ENPP7: variants seen among roughly 807,000 people sequenced by gnomAD.
ENPP7 encodes the protein ectonucleotide pyrophosphatase/phosphodiesterase 7.
ENPP7 carries 39 observed loss-of-function variants against 33.6 expected under a neutral mutation model. That is an observed-to-expected ratio of 1.16 (90% CI 0.90 to 1.52). The LOEUF (loss-of-function observed/expected upper bound fraction) is 1.52. Among genes scored for constraint, ENPP7 ranks in the 40% most tolerant of loss-of-function variants. The pLI is 0.00. For missense variants in ENPP7, 594 were observed against 641.0 expected, an observed-to-expected ratio of 0.93 and a Z score of 0.79; for synonymous variants, 244 against 274.3, an observed-to-expected ratio of 0.89 and a Z score of 1.09.
chr17:79,732,155 C>CATAT (rs1234522983), intron 1 of ENPP7, among the ~76,000 whole-genome samples: 39 of 56,530 alleles, frequency 6.9e-4, no homozygotes, highest in African/African-American at 1.9e-3. Flanking sequence ...TATATACACA[C>CATAT]ACATATATAT....
Position 79,738,190 on chromosome 17 carries a change from A to G in ENPP7, c.*16+128A>G, listed in dbSNP as rs2094299506. ...AGGCCCCGCCAAGCAGGTGACTCCC[A>G]CTGACCTGGCTGCCCCAGAGAGGCC... On this transcript the variant is annotated intron_variant, in intron 5 of 5. Coordinates refer to ENST00000328313, the MANE Select transcript of ENPP7 (RefSeq NM_178543.5). This position sits in a 1 kb window ranked among gnomAD's most constrained non-coding sequence, Gnocchi z 6.2. The G allele has an allele frequency of 4.3e-6, 4 of 934,768 alleles. No individual in the cohort carries two copies. Among genetic ancestry groups the G allele is most frequent in the Non-Finnish European group, 6.4e-6 (4 of 621,784 alleles). 57.9% of individuals were successfully genotyped at this position (934,768 alleles called of 1,614,324 possible). A position where few individuals can be genotyped will look rare whatever the true frequency, so the allele number is the denominator to read the frequency against.
rs782390710 is a variant in ENPP7 at position 79,737,201 on chromosome 17, G to A, written c.1187G>A (p.Gly396Asp). The change falls in exon 4 of 6, where the codon GGC becomes GAC. Residue 396 changes from glycine to aspartate, a missense_variant. Around this residue, in one of 3 missense-constraint regions of ENPP7, gnomAD observed 504 missense variants for 512.8 expected, o/e 0.98. Transcript: ENST00000328313. This position sits in a 1 kb window ranked among gnomAD's most constrained non-coding sequence, Gnocchi z 5.5. ...HVYELMCRLLGIVPEANDGHL... is the reference protein window; with the variant it reads ...HVYELMCRLLDIVPEANDGHL... ...TACGAGCTCATGTGCCGGCTGCTGG[G>A]CATCGTGCCCGAGGCCAACGATGGG... 91 of 1,612,706 alleles carry A rather than the reference G, an allele frequency of 5.6e-5. No homozygotes were observed. The highest frequency in any genetic ancestry group is 7.2e-5 in the Non-Finnish European group (85 of 1,180,016).
At chr17:79,734,043 C>A (rs1449872767) in intron 2 of ENPP7, among the ~76,000 whole-genome samples, 1 of 152,164 alleles carries the variant, frequency 6.6e-6, no homozygotes, top group South Asian at 2.1e-4. Context: ...AACAATTAGA[C>A]GACTTTCTCC....
At position 79,730,990 on chromosome 17, in the gene ENPP7, C is replaced by T. The variant is rs1598196184; in HGVS notation, c.-150C>T. Reference sequence around the variant, plus strand: ...GGGTGGCACTGACACGGCTGGGGAGCCCACTCCCGAGGTTCGACCCGGGGA... The same window carrying T: ...GGGTGGCACTGACACGGCTGGGGAGTCCACTCCCGAGGTTCGACCCGGGGA... On this transcript the variant is annotated 5_prime_UTR_variant, in exon 1 of 6. Coordinates refer to ENST00000328313, the MANE Select transcript of ENPP7 (RefSeq NM_178543.5). The T allele has an allele frequency of 5.0e-6, 4 of 796,370 alleles. No individual in the cohort carries two copies. Among genetic ancestry groups the T allele is most frequent in the Non-Finnish European group, 7.7e-6 (4 of 518,014 alleles). The allele number at this position is 796,370 out of a possible 1,614,324, so 49.3% of individuals were successfully genotyped here.
Position 79,737,299 on chromosome 17 carries a change from G to T in ENPP7, c.1246+39G>T. The T allele has an allele frequency of 6.6e-7, 1 of 1,507,622 alleles. No individual in the cohort carries two copies. Among genetic ancestry groups the T allele is most frequent in the Non-Finnish European group, 9.0e-7 (1 of 1,116,138 alleles). The allele number at this position is 1,507,622 out of a possible 1,614,324, so 93.4% of individuals were successfully genotyped here. A position where few individuals can be genotyped will look rare whatever the true frequency, so the allele number is the denominator to read the frequency against. ...GCCCCAAATCCCCGCCTGCTCTGGT[G>T]TGTACACGTGTGCACACGAGGGTGC... On this transcript the variant is annotated intron_variant, in intron 4 of 5. Transcript: ENST00000328313. The surrounding 1 kb of genome is among the most constrained non-coding windows in gnomAD (Gnocchi z 5.5).
In ENPP7 at chr17:79,735,141, C is replaced by T. The variant is rs2094292833; in HGVS notation, c.498C>T (p.Tyr166=). 2 of 1,613,206 alleles carry T rather than the reference C, an allele frequency of 1.2e-6. No individual in the cohort carries two copies. Among genetic ancestry groups the T allele is most frequent in the East Asian group, 2.2e-5 (1 of 44,880 alleles). ...GGAAAGAAGGCATCGCACACAACTA[C>T]AAAAATGAGACGGAGTGGAGAGCGA... ...RSRKEGIAHN[Y]KNETEWRANI... Residue 166 remains tyrosine, a synonymous_variant, in exon 3 of 6, where the codon TAC becomes TAT. Coordinates refer to ENST00000328313, the MANE Select transcript of ENPP7 (RefSeq NM_178543.5). The surrounding 1 kb of genome is among the most constrained non-coding windows in gnomAD (Gnocchi z 5.5).
chr17:79,732,119 T>TACATATATATATATATACATATATACAC (rs1555822638), intron 1 of ENPP7, among the ~76,000 whole-genome samples: 5 of 49,780 alleles, frequency 1.0e-4, no homozygotes, highest in African/African-American at 2.7e-4. Flanking sequence ...CATATATATA[T>TACATATATATATATATACATATATACAC]ACATATATAT....
chr17:79,732,155 C>CAT lies in ENPP7; in HGVS notation c.253+764_253+765insTA, dbSNP rs1234522983. ...ATGTATATATATATATATATACACA[C>CAT]ACATATATATATATATGAGGCCAAG... is the stretch of plus-strand genomic sequence containing the variant. On this transcript the variant is annotated intron_variant, in intron 1 of 5. Coordinates refer to ENST00000328313, the MANE Select transcript of ENPP7 (RefSeq NM_178543.5). Among the ~76,000 whole-genome samples, 271 of 56,438 alleles carry CAT rather than the reference C, an allele frequency of 4.8e-3. 2 individuals are homozygous for CAT. The highest frequency in any genetic ancestry group is 0.013 in the Middle Eastern group (1 of 76). The allele number at this position is 56,438 out of a possible 152,430, so 37.0% of individuals were successfully genotyped here.
At chr17:79,734,106 A>C (rs1555823031) in intron 2 of ENPP7, among the ~76,000 whole-genome samples, 1 of 152,192 alleles carries the variant, frequency 6.6e-6, no homozygotes. Context: ...GGCCAAAGAC[A>C]AAATGAGAGG....
chr17:79,733,854 G>T (rs1300168088), intron 2 of ENPP7, among the ~76,000 whole-genome samples: 1 of 152,178 alleles, frequency 6.6e-6, no homozygotes, highest in Non-Finnish European at 1.5e-5. Flanking sequence ...ACTAACCAGT[G>T]AGCTACGTCC....
intron 3 of ENPP7, among the ~76,000 whole-genome samples, chr17:79,736,182 G>A (rs1195490763): frequency 6.6e-6 from 1 of 152,192 alleles, no homozygotes; most frequent in Admixed American, 6.5e-5. Flanking sequence ...TGGGATTCAG[G>A]TGTGAGCCAC....
rs142800715 is a variant in ENPP7, at chr17:79,737,185, A to G, written c.1171A>G (p.Met391Val). The change falls in exon 4 of 6, where the codon ATG becomes GTG. Residue 391 changes from methionine (M) to valine (V), a missense_variant. Met to Val is a conservative substitution (Grantham distance 21). Transcript: ENST00000328313. This position sits in a 1 kb window ranked among gnomAD's most constrained non-coding sequence, Gnocchi z 5.5. ...PFESVHVYEL[M>V]CRLLGIVPEA... Reference sequence around the variant, plus strand: ...TGAGAGCGTCCACGTGTACGAGCTCATGTGCCGGCTGCTGGGCATCGTGCC... The same window carrying G: ...TGAGAGCGTCCACGTGTACGAGCTCGTGTGCCGGCTGCTGGGCATCGTGCC... The G allele has an allele frequency of 1.2e-6, 2 of 1,613,466 alleles. No homozygotes were observed. Among genetic ancestry groups the G allele is most frequent in the East Asian group, 2.2e-5 (1 of 44,854 alleles).
chr17:79,734,947 G>A, intron 2 of ENPP7, 96 bp from the exon 3 acceptor site: 1 of 1,337,112 alleles, frequency 7.5e-7, no homozygotes, highest in Non-Finnish European at 1.0e-6. Context: ...GGGTGGAACA[G>A]AGAAGTAGGC....
intron 2 of ENPP7, 127 bp downstream of exon 2, chr17:79,733,780 T>C: frequency 9.8e-7 from 1 of 1,021,378 alleles, no homozygotes; most frequent in Non-Finnish European, 1.4e-6. Flanking sequence ...GCTCCTGGCC[T>C]ACCCTGGCAC....
At position 79,733,660 on chromosome 17, in the gene ENPP7, T is replaced by C. The variant is rs782120928; in HGVS notation, c.399+7T>C. On this transcript the variant is annotated splice_region_variant and intron_variant, in intron 2 of 5. Coordinates refer to ENST00000328313, the MANE Select transcript of ENPP7 (RefSeq NM_178543.5). Reference sequence around the variant, plus strand: ...GATCACAGCCCAGAGGCAGGTAATGTCACCCCCGCCCATACTGACATCGCA... The same window carrying C: ...GATCACAGCCCAGAGGCAGGTAATGCCACCCCCGCCCATACTGACATCGCA... 5 of 1,606,374 alleles carry C rather than the reference T, an allele frequency of 3.1e-6. No individual in the cohort carries two copies. The highest frequency in any genetic ancestry group is 2.5e-6 in the Non-Finnish European group (3 of 1,177,494).
intron 5 of ENPP7, among the ~76,000 whole-genome samples, chr17:79,740,715 C>T (rs782244219): frequency 6.6e-6 from 1 of 152,232 alleles, no homozygotes; most frequent in Non-Finnish European, 1.5e-5. Flanking sequence ...GGCGTCCCAG[C>T]AAACCTGCTC....
In ENPP7 at chr17:79,742,016, C is replaced by CCCTGCCCCTGCT; in HGVS notation, c.*245_*256dup. The CCCTGCCCCTGCT allele has an allele frequency of 3.6e-6, 3 of 844,642 alleles. No homozygotes were observed. Among genetic ancestry groups the CCCTGCCCCTGCT allele is most frequent in the Non-Finnish European group, 4.3e-6 (3 of 699,722 alleles). 52.3% of individuals were successfully genotyped at this position (844,642 alleles called of 1,614,324 possible). The stretch of plus-strand genomic sequence containing the variant: ...GCCGGTCCCATAACCGGCCCCCTGC[C>CCCTGCCCCTGCT]CCTGCCCCTGCTCCTGCTCCTCCCC... On this transcript the variant is annotated 3_prime_UTR_variant, in exon 6 of 6. Coordinates refer to ENST00000328313, the MANE Select transcript of ENPP7 (RefSeq NM_178543.5).
Position 79,737,787 on chromosome 17 carries a change from G to A in ENPP7, c.1247-129G>A. 1 of 1,024,920 alleles carries A rather than the reference G, an allele frequency of 9.8e-7. No homozygotes were observed. Among genetic ancestry groups the A allele is most frequent in the South Asian group, 1.4e-5 (1 of 70,326 alleles). 63.5% of individuals were successfully genotyped at this position (1,024,920 alleles called of 1,614,324 possible). ...AGGGCCGTGGTGGACAAAGGCCATG[G>A]GACCAAGGGGGCGGTGAAAGAGGAA... is the stretch of plus-strand genomic sequence containing the variant. On this transcript the variant is annotated intron_variant, in intron 4 of 5. Coordinates refer to ENST00000328313, the MANE Select transcript of ENPP7 (RefSeq NM_178543.5). This position sits in a 1 kb window ranked among gnomAD's most constrained non-coding sequence, Gnocchi z 5.5.
chr17:79,735,713 C>T lies in ENPP7; in HGVS notation c.1026+44C>T. 2 of 1,544,226 alleles carry T rather than the reference C, an allele frequency of 1.3e-6. No individual in the cohort carries two copies. Among genetic ancestry groups the T allele is most frequent in the Non-Finnish European group, 1.7e-6 (2 of 1,147,012 alleles). On this transcript the variant is annotated intron_variant, in intron 3 of 5. Coordinates refer to ENST00000328313, the MANE Select transcript of ENPP7 (RefSeq NM_178543.5). The surrounding 1 kb of genome is among the most constrained non-coding windows in gnomAD (Gnocchi z 5.5). ...GCACCACCTCCAGGGGCTCCCTCCC[C>T]AGGCTCTGGGTCTTCTTTTTTTTTT...
Sources: allele counts gnomAD v4.1 joint callset (sites outside exome capture counted in the v4.1 genomes callset), GRCh38; gene constraint gnomAD v4.1.1; regional missense constraint gnomAD v4.1.1; non-coding constraint Gnocchi (gnomAD v3.1); transcripts MANE v1.5; gene names NCBI Gene and HGNC (gene_info 2026-07-23, HGNC 2026-07-21).